CHMP3: variants seen among roughly 807,000 people sequenced by gnomAD.
CHMP3 encodes 25.1 protein.
CHMP3 carries 8 observed loss-of-function variants against 27.4 expected under a neutral mutation model. The observed-to-expected ratio is 0.29, with a 90% confidence interval of 0.17 to 0.53. The LOEUF is 0.53. CHMP3 is among the 20% of genes least tolerant of loss of function. CHMP3 has a pLI of 0.96. For synonymous variants in CHMP3, 86 were observed against 85.5 expected (o/e 1.01, Z -0.03); for missense variants, 208 against 271.5 (o/e 0.77, Z 1.64).
chr2:86,535,203 C>T (rs919712638), intron 2 of CHMP3, among the ~76,000 whole-genome samples: 13 of 149,190 alleles, frequency 8.7e-5, no homozygotes, highest in African/African-American at 1.5e-4. Context: ...CTGCTGTGAG[C>T]TGTGTCACGA....
chr2:86,529,404 T>G lies in CHMP3; in HGVS notation c.107-7A>C, dbSNP rs1469734205. 1.6e-5 allele frequency: 25 copies of G among 1,584,262 alleles called. No homozygotes were observed. The highest frequency in any genetic ancestry group is 2.1e-5 in the Non-Finnish European group (24 of 1,166,034). On this transcript the variant is annotated splice_polypyrimidine_tract_variant and splice_region_variant and intron_variant, in intron 2 of 5. Transcript: ENST00000263856. ...TCTTCTTCTCTTTGGATATCTAAAT[T>G]TAGAACAGAACACCAAAAATCAAGG...
intron 3 of CHMP3, among the ~76,000 whole-genome samples, chr2:86,521,661 T>C (rs961672360): frequency 3.3e-5 from 5 of 152,348 alleles, no homozygotes; most frequent in Middle Eastern, 3.4e-3. Context: ...AGGTACATCA[T>C]ATAAGTGGAA....
intron 1 of CHMP3, among the ~76,000 whole-genome samples, chr2:86,548,786 G>C (rs1301273586): frequency 6.6e-6 from 1 of 151,152 alleles, no homozygotes; most frequent in East Asian, 2.0e-4. Context: ...CCGGGCAGAG[G>C]TGCTCCTCAC....
In CHMP3 at chr2:86,529,912, C is replaced by G. The variant is rs529368249; in HGVS notation, c.107-515G>C. 5.9e-5 allele frequency among the ~76,000 whole-genome samples: 9 copies of G among 152,280 alleles called. No homozygotes were observed. The East Asian group carries it at 1.5e-3, about 26-fold the overall frequency. On this transcript the variant is annotated intron_variant, in intron 2 of 5. Coordinates refer to ENST00000263856, the MANE Select transcript of CHMP3 (RefSeq NM_016079.4). ...AATACATAAAATATAACATCTTAAC[C>G]ATTTTTAAGTATACAATCAGTGGAA...
intron 4 of CHMP3, among the ~76,000 whole-genome samples, chr2:86,508,319 C>G (rs1350943104): frequency 6.6e-6 from 1 of 152,196 alleles, no homozygotes; most frequent in Non-Finnish European, 1.5e-5. Context: ...GGCTTTAACA[C>G]TGGCCCAACC....
At chr2:86,525,318 A>G (rs940548299) in intron 3 of CHMP3, among the ~76,000 whole-genome samples, 5 of 152,232 alleles carry the variant, frequency 3.3e-5, no homozygotes, top group African/African-American at 1.2e-4. Context: ...TTAACAACGT[A>G]AATTTCATGT....
chr2:86,510,479 G>A lies in CHMP3; in HGVS notation c.287C>T (p.Ala96Val), dbSNP rs368950086. 1.4e-5 allele frequency: 23 copies of A among 1,611,660 alleles called. No homozygotes were observed. The highest frequency in any genetic ancestry group is 4.5e-5 in the East Asian group (2 of 44,886). The change falls in exon 4 of 6, where the codon GCG becomes GTG. Residue 96 changes from alanine (A) to valine (V), a missense_variant and splice_region_variant. By Grantham distance (64) the Ala-to-Val change is moderately conservative (BLOSUM62 0). Coordinates refer to ENST00000263856, the MANE Select transcript of CHMP3 (RefSeq NM_016079.4). ...CAGGGAACCAGCCACTCGCAAGACC[G>A]CTGAAAGAGAATGTGTACAGTCAGG... ...SVLMGMKNQL[A>V]VLRVAGSLQK... is the part of the protein sequence containing the mutation.
At chr2:86,506,501 C>T (rs1674892015) in intron 5 of CHMP3, among the ~76,000 whole-genome samples, 1 of 152,046 alleles carries the variant, frequency 6.6e-6, no homozygotes, top group South Asian at 2.1e-4. Flanking sequence ...AGGCTTTATT[C>T]ACATGTTGTA....
rs1309697551 is a variant in CHMP3 at position 86,540,290 on chromosome 2, T to C, written c.106+1962A>G. On this transcript the variant is annotated intron_variant, in intron 2 of 5. Transcript: ENST00000263856. ...TTCATATGATCCTTCCTGACCCCTC[T>C]TCTCCTGAGACTCAAATTATACACA... Among the ~76,000 whole-genome samples, 5 of 152,258 alleles carry C rather than the reference T, an allele frequency of 3.3e-5. No individual in the cohort carries two copies. In the East Asian group the frequency reaches 9.6e-4, roughly 29 times the overall value.
chr2:86,550,324 C>T (rs1355062844), intron 1 of CHMP3, among the ~76,000 whole-genome samples: 7 of 151,898 alleles, frequency 4.6e-5, no homozygotes, highest in Admixed American at 2.0e-4. Flanking sequence ...TGCAGCGAGC[C>T]GAGACCACGG....
At position 86,563,385 on chromosome 2, in the gene CHMP3, G is replaced by T. The variant is rs746681140; in HGVS notation, c.-37C>A. ...CCCGTCTTGCCCCTTCCGGCTTTCA[G>T]TTCCCCGCGCCCAGGCAGGTCACGG... On this transcript the variant is annotated 5_prime_UTR_variant, in exon 1 of 6. The change creates a new upstream start codon in the 5' untranslated region. Coordinates refer to ENST00000263856, the MANE Select transcript of CHMP3 (RefSeq NM_016079.4). 1 of 1,607,492 alleles carries T rather than the reference G, an allele frequency of 6.2e-7. No individual in the cohort carries two copies. Among genetic ancestry groups the T allele is most frequent in the Non-Finnish European group, 8.5e-7 (1 of 1,177,614 alleles).
In CHMP3 at chr2:86,524,316, A is replaced by G. The variant is rs1675619911; in HGVS notation, c.286+4902T>C. Among the ~76,000 whole-genome samples, 3 of 152,238 alleles carry G rather than the reference A, an allele frequency of 2.0e-5. No homozygotes were observed. In the South Asian group the frequency reaches 6.2e-4, roughly 31 times the overall value. On this transcript the variant is annotated intron_variant, in intron 3 of 5. Coordinates refer to ENST00000263856, the MANE Select transcript of CHMP3 (RefSeq NM_016079.4). ...TACAACACTTTTCTTTTAGAAATCC[A>G]TATGTAAATACTTATAGATGAAATT...
At chr2:86,524,163 A>G (rs968009616) in intron 3 of CHMP3, among the ~76,000 whole-genome samples, 2 of 152,200 alleles carry the variant, frequency 1.3e-5, no homozygotes, top group East Asian at 1.9e-4. Flanking sequence ...GAGAAATCCA[A>G]TAACTAAGAC....
At chr2:86,559,621 TAGA>T (rs1407742552) in intron 1 of CHMP3, among the ~76,000 whole-genome samples, 1 of 152,212 alleles carries the variant, frequency 6.6e-6, no homozygotes, top group Non-Finnish European at 1.5e-5. Flanking sequence ...TGGCACTTGG[TAGA>T]AGCTGACCCT....
intron 4 of CHMP3, among the ~76,000 whole-genome samples, chr2:86,509,489 A>T (rs1026176868): frequency 1.3e-5 from 2 of 152,168 alleles, no homozygotes; most frequent in African/African-American, 4.8e-5. Context: ...TCAAGTTCAT[A>T]AATGAAATTC....
intron 2 of CHMP3, among the ~76,000 whole-genome samples, chr2:86,534,827 C>T (rs930754394): frequency 6.6e-6 from 1 of 152,156 alleles, no homozygotes; most frequent in African/African-American, 2.4e-5. Flanking sequence ...CATCCTTTTG[C>T]TTCCAATCTA....
At chr2:86,511,916 A>C (rs1675121740) in intron 3 of CHMP3, 1 of 152,172 alleles carries the variant, frequency 6.6e-6, no homozygotes, top group Admixed American at 6.5e-5. Flanking sequence ...ATTCTGAAAA[A>C]GGTATAAATT....
Position 86,529,198 on chromosome 2 carries a change from T to A in CHMP3, c.286+20A>T, listed in dbSNP as rs1553405642. 4 of 1,575,696 alleles carry A rather than the reference T, an allele frequency of 2.5e-6. No homozygotes were observed. Among genetic ancestry groups the A allele is most frequent in the Admixed American group, 1.9e-5 (1 of 52,360 alleles). On this transcript the variant is annotated intron_variant, in intron 3 of 5. Transcript: ENST00000263856. Reference sequence around the variant, plus strand: ...CAACCCCGGCATTATGAGGTGACTGTAAGGTAAGTGCAGCCTTACCGAGCT... The same window carrying A: ...CAACCCCGGCATTATGAGGTGACTGAAAGGTAAGTGCAGCCTTACCGAGCT...
chr2:86,507,419 G>T (rs1674927176), intron 5 of CHMP3, 60 bp downstream of exon 5: 23 of 1,459,948 alleles, frequency 1.6e-5, no homozygotes, highest in Non-Finnish European at 2.2e-5. Context: ...AGCTAATTTA[G>T]TGAATGAAGG....
Sources: gnomAD v4.1 joint callset for allele counts (sites outside exome capture counted in the v4.1 genomes callset) on GRCh38, gnomAD v4.1.1 for gene constraint, MANE v1.5 for transcripts, NCBI Gene and HGNC (gene_info 2026-07-23, HGNC 2026-07-21) for gene names.